Variants in DARS1 observed in about 807,000 individuals in gnomAD.
DARS1 encodes the protein aspartate--tRNA ligase, cytoplasmic.
A neutral mutation model predicts 68.8 loss-of-function variants in DARS1; 51 were observed. That is an observed-to-expected ratio of 0.74 (90% CI 0.59 to 0.94). The LOEUF (loss-of-function observed/expected upper bound fraction) is 0.94, where lower values mean the gene tolerates loss of function less well. Among genes scored for constraint, DARS1 ranks in the 40% least tolerant of loss-of-function variants. DARS1 has a pLI of 0.00. For synonymous variants in DARS1, 203 were observed against 190.4 expected (o/e 1.07, Z -0.55); for missense variants, 607 against 597.3 (o/e 1.02, Z -0.17).
chr2:135,979,606 C>A (rs1366393530), intron 2 of DARS1, among the ~76,000 whole-genome samples: 1 of 152,168 alleles, frequency 6.6e-6, no homozygotes, highest in African/African-American at 2.4e-5. Context: ...ATCTTCACTG[C>A]CGCCATACTA....
chr2:135,983,746 C>T (rs1240943241), intron 1 of DARS1, among the ~76,000 whole-genome samples: 2 of 152,216 alleles, frequency 1.3e-5, no homozygotes, highest in Non-Finnish European at 2.9e-5. Flanking sequence ...ATGTACAACA[C>T]ATCTTAACTA....
chr2:135,941,628 G>A (rs1256696929), intron 5 of DARS1, among the ~76,000 whole-genome samples: 7 of 150,436 alleles, frequency 4.7e-5, no homozygotes, highest in Non-Finnish European at 7.4e-5. Flanking sequence ...AACACCAAAA[G>A]CAATGGCAAC....
At chr2:135,969,627 A>G (rs943422662) in intron 3 of DARS1, among the ~76,000 whole-genome samples, 6 of 151,618 alleles carry the variant, frequency 4.0e-5, no homozygotes, top group South Asian at 2.1e-4. Flanking sequence ...AAAAAAAAAA[A>G]AGCCACCCGC....
chr2:135,925,732 A>T (rs1200550892), intron 7 of DARS1, among the ~76,000 whole-genome samples: 1 of 152,082 alleles, frequency 6.6e-6, no homozygotes, highest in Non-Finnish European at 1.5e-5. Flanking sequence ...ATAGAAAAAG[A>T]CTTGCATTTT....
intron 3 of DARS1, among the ~76,000 whole-genome samples, chr2:135,968,247 G>C (rs1381362799): frequency 6.6e-6 from 1 of 152,138 alleles, no homozygotes; most frequent in African/African-American, 2.4e-5. Flanking sequence ...CTGGGCAACA[G>C]AGCAAGACTC....
intron 3 of DARS1, among the ~76,000 whole-genome samples, chr2:135,967,337 T>G (rs1424972724): frequency 2.0e-5 from 3 of 152,214 alleles, no homozygotes; most frequent in Non-Finnish European, 2.9e-5. Context: ...ATTTTGGAAG[T>G]GTAAGTAAGT....
At chr2:135,945,818 G>A (rs890084046) in intron 4 of DARS1, among the ~76,000 whole-genome samples, 6 of 152,152 alleles carry the variant, frequency 3.9e-5, no homozygotes, top group Admixed American at 1.3e-4. Flanking sequence ...CTGAATCAAC[G>A]GGAAAGAAGG....
At chr2:135,977,202 C>T (rs916717637) in intron 3 of DARS1, among the ~76,000 whole-genome samples, 1 of 152,196 alleles carries the variant, frequency 6.6e-6, no homozygotes, top group Non-Finnish European at 1.5e-5. Context: ...ATAAATATTA[C>T]TACATAACAT....
intron 8 of DARS1, 60 bp downstream of exon 8, chr2:135,924,327 A>C: frequency 6.8e-7 from 1 of 1,465,782 alleles, no homozygotes; most frequent in Non-Finnish European, 9.0e-7. Flanking sequence ...ATTAATATAA[A>C]GCAACTCTGG....
chr2:135,942,844 C>G (rs1681636047), intron 5 of DARS1, among the ~76,000 whole-genome samples: 1 of 152,146 alleles, frequency 6.6e-6, no homozygotes, highest in African/African-American at 2.4e-5. Context: ...CTTCCTCTTG[C>G]TCCTGCATGT....
chr2:135,949,910 A>G (rs6750549), intron 4 of DARS1, among the ~76,000 whole-genome samples: 26,125 of 152,254 alleles, frequency 0.17, 2,648 homozygotes, highest in Middle Eastern at 0.41. Context: ...TTGTCTAGCC[A>G]GTAAGGCAAA....
At chr2:135,960,305 T>G (rs1396445549) in intron 4 of DARS1, among the ~76,000 whole-genome samples, 1 of 152,176 alleles carries the variant, frequency 6.6e-6, no homozygotes, top group African/African-American at 2.4e-5. Context: ...TAAATCCGAG[T>G]GCAGGTATTA....
intron 5 of DARS1, among the ~76,000 whole-genome samples, chr2:135,942,628 A>G (rs1324714735): frequency 6.6e-6 from 1 of 152,232 alleles, no homozygotes; most frequent in Non-Finnish European, 1.5e-5. Flanking sequence ...CGTTGTGCAC[A>G]TGTATCCTAG....
chr2:135,935,559 C>T (rs977804833), intron 5 of DARS1, among the ~76,000 whole-genome samples: 5 of 152,006 alleles, frequency 3.3e-5, no homozygotes, highest in South Asian at 2.1e-4. Context: ...GAGATCCCGC[C>T]GCTGCACTCC....
intron 4 of DARS1, 24 bp from the exon 5 acceptor site, chr2:135,943,504 C>T: frequency 1.2e-6 from 2 of 1,608,940 alleles, no homozygotes; most frequent in Non-Finnish European, 1.7e-6. Context: ...AAATTCCCAA[C>T]TTGAATCATC....
rs200745970 is a variant in DARS1, at chr2:135,911,737, TAAG to T, written c.1231-247_1231-245del. On this transcript the variant is annotated intron_variant, in intron 13 of 15. Coordinates refer to ENST00000264161, the MANE Select transcript of DARS1 (RefSeq NM_001349.4). ...AAATCAGAGCATCACATCTAATTTT[TAAG>T]AAGCAGTGCTGATCCTTATTTCACT... is the stretch of plus-strand genomic sequence containing the variant. 2.6e-3 allele frequency: 921 copies of T among 359,060 alleles called. 8 individuals are homozygous for T. The highest frequency in any genetic ancestry group is 0.018 in the African/African-American group (823 of 47,014). The allele number at this position is 359,060 out of a possible 1,614,324, so 22.2% of individuals were successfully genotyped here. A position where few individuals can be genotyped will look rare whatever the true frequency, so the allele number is the denominator to read the frequency against.
intron 15 of DARS1, among the ~76,000 whole-genome samples, chr2:135,909,143 G>T (rs890126447): frequency 3.3e-5 from 5 of 150,718 alleles, no homozygotes; most frequent in African/African-American, 1.2e-4. Flanking sequence ...GGAGGGTGGG[G>T]TGGGGGACAG....
At chr2:135,958,435 A>T (rs977941411) in intron 4 of DARS1, among the ~76,000 whole-genome samples, 5 of 152,214 alleles carry the variant, frequency 3.3e-5, no homozygotes, top group Non-Finnish European at 1.5e-5. Flanking sequence ...ATTTTTAGGA[A>T]AAGGATTTTA....
At chr2:135,939,770 TAAA>T (rs771005670) in intron 5 of DARS1, among the ~76,000 whole-genome samples, 1 of 151,122 alleles carries the variant, frequency 6.6e-6, no homozygotes, top group Admixed American at 6.6e-5. Context: ...GCAAGACTAA[TAAA>T]GAAGAAAAGA....
Sources: gnomAD v4.1 joint callset for allele counts (sites outside exome capture counted in the v4.1 genomes callset) on GRCh38, gnomAD v4.1.1 for gene constraint, MANE v1.5 for transcripts, NCBI Gene and HGNC (gene_info 2026-07-23, HGNC 2026-07-21) for gene names.